CFAP95: variants seen among roughly 807,000 people sequenced by gnomAD.
The protein encoded by CFAP95 is cilia- and flagella-associated protein 95.
At chr9:69,843,864 G>A in the CFAP95 span, among the ~76,000 whole-genome samples, 1 of 151,566 alleles carries the variant, frequency 6.6e-6, no homozygotes, top group East Asian at 2.0e-4. Flanking sequence ...TGGTCTTGAA[G>A]CTTCTAGGCT....
the CFAP95 span, among the ~76,000 whole-genome samples, chr9:69,843,547 TCCTCCTCC>T: frequency 7.6e-5 from 2 of 26,198 alleles, no homozygotes; most frequent in Non-Finnish European, 1.5e-4. Flanking sequence ...CTCCTCCTCC[TCCTCCTCC>T]TCCTTCTTCT....
At chr9:69,829,392 A>G in the CFAP95 span, among the ~76,000 whole-genome samples, 2 of 152,190 alleles carry the variant, frequency 1.3e-5, no homozygotes, top group African/African-American at 4.8e-5. Flanking sequence ...TTTGTGTGAA[A>G]GTTTGCTCAA....
At chr9:69,866,453 A>G in the CFAP95 span, among the ~76,000 whole-genome samples, 2 of 152,188 alleles carry the variant, frequency 1.3e-5, no homozygotes, top group Non-Finnish European at 2.9e-5. Context: ...CCAGAGTTCA[A>G]ATGCCAGATA....
At chr9:69,897,004 G>T in the CFAP95 span, among the ~76,000 whole-genome samples, 1 of 152,168 alleles carries the variant, frequency 6.6e-6, no homozygotes, top group Non-Finnish European at 1.5e-5. Context: ...GGGCAGATAA[G>T]GTAGGTTTGA....
chr9:69,838,273 A>T, the CFAP95 span, among the ~76,000 whole-genome samples: 5 of 152,002 alleles, frequency 3.3e-5, no homozygotes, highest in South Asian at 2.1e-4. Flanking sequence ...GTGAAGAAAG[A>T]CATTGGTAGC....
chr9:69,834,971 G>A, the CFAP95 span, among the ~76,000 whole-genome samples: 3 of 152,354 alleles, frequency 2.0e-5, no homozygotes, highest in South Asian at 6.2e-4. Context: ...GCCTTGGCAT[G>A]TAAATCATTT....
chr9:69,827,074 A>G, the CFAP95 span, among the ~76,000 whole-genome samples: 1 of 152,184 alleles, frequency 6.6e-6, no homozygotes, highest in Non-Finnish European at 1.5e-5. Context: ...AATAGTAAAG[A>G]ATTTTTAAAT....
the CFAP95 span, among the ~76,000 whole-genome samples, chr9:69,827,820 C>T: frequency 2.6e-5 from 4 of 152,176 alleles, no homozygotes; most frequent in Non-Finnish European, 4.4e-5. Context: ...TTAGGCTGGT[C>T]ACCCTGCAGC....
the CFAP95 span, among the ~76,000 whole-genome samples, chr9:69,846,063 A>G: frequency 6.6e-6 from 1 of 152,212 alleles, no homozygotes; most frequent in Admixed American, 6.5e-5. Flanking sequence ...CAATTCAGGC[A>G]TTGCTTGACA....
chr9:69,857,054 T>C, the CFAP95 span, among the ~76,000 whole-genome samples: 2 of 152,002 alleles, frequency 1.3e-5, no homozygotes, highest in Admixed American at 6.6e-5. Flanking sequence ...TACAAAAGCA[T>C]CTACTTCGTA....
the CFAP95 span, among the ~76,000 whole-genome samples, chr9:69,899,920 T>C: frequency 6.6e-6 from 1 of 152,222 alleles, no homozygotes; most frequent in African/African-American, 2.4e-5. Flanking sequence ...TGTCAGCCCA[T>C]AGCCTTTGCT....
the CFAP95 span, among the ~76,000 whole-genome samples, chr9:69,870,713 G>A: frequency 1.3e-5 from 2 of 152,316 alleles, no homozygotes; most frequent in East Asian, 3.9e-4. Context: ...AAGGGAGAAG[G>A]GAATTTGGAA....
At chr9:69,841,257 C>T in the CFAP95 span, among the ~76,000 whole-genome samples, 1 of 142,726 alleles carries the variant, frequency 7.0e-6, no homozygotes, top group Non-Finnish European at 1.5e-5. Flanking sequence ...GGGCCTTCTT[C>T]AGTGTCTAAT....
the CFAP95 span, among the ~76,000 whole-genome samples, chr9:69,887,109 C>T: frequency 1.4e-4 from 21 of 152,224 alleles, no homozygotes; most frequent in Admixed American, 6.5e-4. Flanking sequence ...AAAATATTGC[C>T]GTATCTAAAG....
At chr9:69,863,334 G>T in the CFAP95 span, among the ~76,000 whole-genome samples, 1 of 151,504 alleles carries the variant, frequency 6.6e-6, no homozygotes, top group East Asian at 2.0e-4. Context: ...TATGTTATAT[G>T]GGTAGAGACA....
At chr9:69,822,006 A>T in the CFAP95 span, among the ~76,000 whole-genome samples, 1 of 152,184 alleles carries the variant, frequency 6.6e-6, no homozygotes, top group East Asian at 1.9e-4. Flanking sequence ...TTGACCTGGA[A>T]ATTCACTTTC....
chr9:69,842,612 GTTA>G, the CFAP95 span, among the ~76,000 whole-genome samples: 2 of 152,164 alleles, frequency 1.3e-5, no homozygotes, highest in Non-Finnish European at 2.9e-5. Context: ...AAAAGGTATT[GTTA>G]TTATTTCTGT....
chr9:69,895,369 C>CTCTCTCTGTGTG, the CFAP95 span, among the ~76,000 whole-genome samples: 86 of 107,912 alleles, frequency 8.0e-4, no homozygotes, highest in African/African-American at 3.0e-3. Flanking sequence ...CTCTCTCTCT[C>CTCTCTCTGTGTG]TGTGTGTGTG....
chr9:69,857,602 G>A, the CFAP95 span, among the ~76,000 whole-genome samples: 179 of 152,282 alleles, frequency 1.2e-3, no homozygotes, highest in African/African-American at 4.2e-3. Context: ...TTGGCTCACT[G>A]CAACCTCTGC....
Sources: allele counts gnomAD v4.1 joint callset (sites outside exome capture counted in the v4.1 genomes callset), GRCh38; gene constraint gnomAD v4.1.1; transcripts MANE v1.5; gene names NCBI Gene and HGNC (gene_info 2026-07-23, HGNC 2026-07-21).